The following GRAP2 variants were observed in gnomAD, a reference collection of about 807,000 sequenced individuals.
GRAP2 encodes the protein GRB2-related adapter protein 2.
A neutral mutation model predicts 43.5 loss-of-function variants in GRAP2; 31 were observed. The ratio of observed to expected loss-of-function variants is 0.71; its 90% CI spans 0.54 to 0.96. The LOEUF (loss-of-function observed/expected upper bound fraction) is 0.96. Ranked by LOEUF, GRAP2 falls within the 40% of genes least tolerant of loss-of-function variation. GRAP2 has a pLI of 0.00. For synonymous variants in GRAP2, 156 were observed against 164.8 expected (o/e 0.95, Z 0.41); for missense variants, 371 against 424.4 (o/e 0.87, Z 1.11).
chr22:39,901,764 T>C (rs1569188813), intron 1 of GRAP2, among the ~76,000 whole-genome samples: 5 of 152,254 alleles, frequency 3.3e-5, no homozygotes, highest in Admixed American at 2.0e-4. Context: ...TGCTTGAATT[T>C]CTAGTTCTGT....
At position 39,969,521 on chromosome 22, in the gene GRAP2, C is replaced by T. The variant is rs5757821; in HGVS notation, c.801C>T (p.Leu267=). The change falls in exon 7 of 8, where the codon CTC becomes CTT. Residue 267 remains leucine (L), a synonymous_variant. Coordinates refer to ENST00000344138, the MANE Select transcript of GRAP2 (RefSeq NM_004810.4). The stretch of plus-strand genomic sequence containing the variant: ...GGAGACACACAGACCCAGTGCAGCT[C>T]CAGGCGGCAGGGGTATGGGAACTGT... ...MHRRHTDPVQ[L]QAAGRVRWAR... is the part of the protein sequence containing the mutation. 1 of 1,613,952 alleles carries T rather than the reference C, an allele frequency of 6.2e-7. No individual in the cohort carries two copies. The highest frequency in any genetic ancestry group is 8.5e-7 in the Non-Finnish European group (1 of 1,179,904).
chr22:39,913,516 A>G (rs555997274), intron 1 of GRAP2, among the ~76,000 whole-genome samples: 61 of 152,250 alleles, frequency 4.0e-4, no homozygotes, highest in African/African-American at 1.4e-3. Flanking sequence ...TGAGTCAGCC[A>G]AGTGTTCAAC....
intron 2 of GRAP2, among the ~76,000 whole-genome samples, chr22:39,954,601 G>A (rs2067026340): frequency 6.6e-6 from 1 of 152,216 alleles, no homozygotes; most frequent in East Asian, 1.9e-4. Context: ...CACCATGATG[G>A]ACAGGCTGGT....
At chr22:39,930,490 A>G (rs1460523819) in intron 1 of GRAP2, among the ~76,000 whole-genome samples, 1 of 152,180 alleles carries the variant, frequency 6.6e-6, no homozygotes, top group Admixed American at 6.5e-5. Context: ...AGTACTTACT[A>G]TGGAGATAAA....
At chr22:39,912,911 G>A (rs1305975129) in intron 1 of GRAP2, among the ~76,000 whole-genome samples, 2 of 151,950 alleles carry the variant, frequency 1.3e-5, no homozygotes, top group African/African-American at 2.4e-5. Context: ...AGGGCTAAAA[G>A]GCCGGTCACG....
intron 2 of GRAP2, among the ~76,000 whole-genome samples, chr22:39,951,659 G>A (rs1202305119): frequency 6.6e-6 from 1 of 152,114 alleles, no homozygotes; most frequent in Non-Finnish European, 1.5e-5. Context: ...GCCTTGCTCA[G>A]GTTTACACGA....
At chr22:39,900,043 ATT>A (rs961384486), upstream of GRAP2, among the ~76,000 whole-genome samples, 2 of 152,022 alleles carry the variant, frequency 1.3e-5, no homozygotes, top group African/African-American at 4.8e-5. Context: ...TTCGACAAAT[ATT>A]TACTGAGCAT....
chr22:39,944,883 AT>A (rs1251117056), intron 1 of GRAP2, among the ~76,000 whole-genome samples: 1 of 152,220 alleles, frequency 6.6e-6, no homozygotes, highest in Non-Finnish European at 1.5e-5. Flanking sequence ...CATCCTGCTT[AT>A]TAAGGTGAAT....
At chr22:39,944,151 A>AT (rs1389767965) in intron 1 of GRAP2, among the ~76,000 whole-genome samples, 1 of 152,162 alleles carries the variant, frequency 6.6e-6, no homozygotes, top group Non-Finnish European at 1.5e-5. Context: ...TCTGCATCAT[A>AT]TTTTTTGTTG....
chr22:39,948,930 C>G (rs1247646388), intron 2 of GRAP2, among the ~76,000 whole-genome samples: 4 of 152,170 alleles, frequency 2.6e-5, no homozygotes, highest in Non-Finnish European at 5.9e-5. Context: ...CCTGAAGGTG[C>G]TGCCTTTGGC....
At position 39,971,142 on chromosome 22, in the gene GRAP2, A is replaced by G; in HGVS notation, c.*58A>G. 1 of 1,362,328 alleles carries G rather than the reference A, an allele frequency of 7.3e-7. No homozygotes were observed. The highest frequency in any genetic ancestry group is 1.2e-5 in the South Asian group (1 of 80,654). 84.4% of individuals were successfully genotyped at this position (1,362,328 alleles called of 1,614,324 possible). ...GCTGCCCACAAGAAAGAGGGCAAGG[A>G]AAAAAGGCTGGACTCCATGACTATA... On this transcript the variant is annotated 3_prime_UTR_variant, in exon 8 of 8. Coordinates refer to ENST00000344138, the MANE Select transcript of GRAP2 (RefSeq NM_004810.4).
intron 1 of GRAP2, among the ~76,000 whole-genome samples, chr22:39,945,638 C>T (rs933275581): frequency 6.6e-6 from 1 of 152,120 alleles, no homozygotes; most frequent in Admixed American, 6.5e-5. Flanking sequence ...ATTGTCCTGA[C>T]AGTTAAGCTG....
intron 1 of GRAP2, among the ~76,000 whole-genome samples, chr22:39,901,738 T>A (rs1456668612): frequency 1.3e-5 from 2 of 152,208 alleles, no homozygotes; most frequent in Non-Finnish European, 2.9e-5. Flanking sequence ...CACTCTGAGG[T>A]CAGGATTTCT....
intron 1 of GRAP2, among the ~76,000 whole-genome samples, chr22:39,901,610 A>AT (rs753385711): frequency 3.3e-5 from 5 of 152,152 alleles, no homozygotes; most frequent in Non-Finnish European, 5.9e-5. Flanking sequence ...TCAGGGAAAG[A>AT]TTTTCGACCT....
At chr22:39,934,982 C>T (rs1601710363) in intron 1 of GRAP2, among the ~76,000 whole-genome samples, 1 of 152,270 alleles carries the variant, frequency 6.6e-6, no homozygotes, top group East Asian at 1.9e-4. Flanking sequence ...CAGCTCAGAC[C>T]ATATCTTGAA....
At chr22:39,964,123 A>G (rs2067146598) in intron 4 of GRAP2, 3 of 402,866 alleles carry the variant, frequency 7.4e-6, no homozygotes, top group Non-Finnish European at 1.3e-5. Context: ...GTGCCAGTTT[A>G]TTTTTAGATA....
chr22:39,920,611 C>T (rs982028831), intron 1 of GRAP2, among the ~76,000 whole-genome samples: 3 of 152,146 alleles, frequency 2.0e-5, no homozygotes, highest in Non-Finnish European at 4.4e-5. Context: ...ATGCTGCCCC[C>T]ATTCTGTGCT....
At chr22:39,957,018 G>T (rs1412935133) in intron 3 of GRAP2, among the ~76,000 whole-genome samples, 1 of 152,084 alleles carries the variant, frequency 6.6e-6, no homozygotes, top group Non-Finnish European at 1.5e-5. Flanking sequence ...AGTCAGCGGG[G>T]GGAAGGGGAA....
intron 5 of GRAP2, among the ~76,000 whole-genome samples, chr22:39,967,585 G>T (rs1341769111): frequency 3.3e-5 from 5 of 152,216 alleles, no homozygotes; most frequent in Non-Finnish European, 4.4e-5. Context: ...GGTGTTGCAA[G>T]AATGTTGCTG....
Sources: gnomAD v4.1 joint callset for allele counts (sites outside exome capture counted in the v4.1 genomes callset) on GRCh38, gnomAD v4.1.1 for gene constraint, MANE v1.5 for transcripts, NCBI Gene and HGNC (gene_info 2026-07-23, HGNC 2026-07-21) for gene names.